Variants in CNTN5 observed in about 807,000 individuals in gnomAD.
The protein encoded by CNTN5 is contactin-5.
In CNTN5, 77 loss-of-function variants were observed where a neutral mutation model predicts 129.1. The observed-to-expected ratio is 0.60, with a 90% confidence interval of 0.50 to 0.72. CNTN5 has a LOEUF of 0.72. Ranked by LOEUF, CNTN5 falls within the 30% of genes least tolerant of loss-of-function variation. CNTN5 has a pLI of 0.00. For missense variants in CNTN5, 1,478 were observed against 1,328.8 expected, an observed-to-expected ratio of 1.11 and a Z score of -1.75; for synonymous variants, 509 against 465.6, an observed-to-expected ratio of 1.09 and a Z score of -1.20.
chr11:99,098,562 G>A (rs1311774308), intron 1 of CNTN5, among the ~76,000 whole-genome samples: 2 of 151,934 alleles, frequency 1.3e-5, no homozygotes, highest in Non-Finnish European at 1.5e-5. Flanking sequence ...TCTGACTTTT[G>A]GCAAATAAAA....
At chr11:99,042,523 C>T (rs1222155758) in intron 1 of CNTN5, among the ~76,000 whole-genome samples, 8 of 151,550 alleles carry the variant, frequency 5.3e-5, no homozygotes, top group Non-Finnish European at 1.2e-4. Context: ...CTACAGGCGC[C>T]CGCCACCACA....
intron 9 of CNTN5, among the ~76,000 whole-genome samples, chr11:100,011,788 T>C (rs2137526014): frequency 6.6e-6 from 1 of 152,294 alleles, no homozygotes; most frequent in Non-Finnish European, 1.5e-5. Context: ...TTCATAAAAT[T>C]ATTTTTGCTG....
chr11:99,998,931 G>T (rs1374610733), intron 8 of CNTN5, among the ~76,000 whole-genome samples: 7 of 151,208 alleles, frequency 4.6e-5, no homozygotes, highest in African/African-American at 7.3e-5. Flanking sequence ...AATAAATGGT[G>T]CTGGGAAAAC....
chr11:99,875,880 A>C (rs1948621052), intron 6 of CNTN5, among the ~76,000 whole-genome samples: 1 of 152,148 alleles, frequency 6.6e-6, no homozygotes, highest in Non-Finnish European at 1.5e-5. Context: ...CTGTTATATA[A>C]GGTCATTTTT....
intron 3 of CNTN5, among the ~76,000 whole-genome samples, chr11:99,724,242 A>G (rs1943265985): frequency 6.6e-6 from 1 of 152,048 alleles, no homozygotes; most frequent in South Asian, 2.1e-4. Flanking sequence ...TTTTTCTAAG[A>G]CATTTCAAGT....
At chr11:99,128,606 G>T (rs1442869722) in intron 1 of CNTN5, among the ~76,000 whole-genome samples, 6 of 152,182 alleles carry the variant, frequency 3.9e-5, no homozygotes, top group African/African-American at 1.2e-4. Flanking sequence ...CAGCACAACG[G>T]CTCTGCTAAA....
intron 8 of CNTN5, among the ~76,000 whole-genome samples, chr11:99,997,411 T>G (rs1311215917): frequency 6.6e-6 from 1 of 152,144 alleles, no homozygotes; most frequent in African/African-American, 2.4e-5. Flanking sequence ...CTAGAAGAAA[T>G]GGATAAATTC....
intron 3 of CNTN5, among the ~76,000 whole-genome samples, chr11:99,790,783 C>G (rs1327680627): frequency 6.6e-6 from 1 of 152,076 alleles, no homozygotes; most frequent in Non-Finnish European, 1.5e-5. Flanking sequence ...GTTACATTCC[C>G]ACTAGCAACA....
At chr11:99,255,831 T>A (rs866309524) in intron 1 of CNTN5, among the ~76,000 whole-genome samples, 1 of 150,146 alleles carries the variant, frequency 6.7e-6, no homozygotes, top group Non-Finnish European at 1.5e-5. Flanking sequence ...CGCACACACA[T>A]GCACACGCAC....
intron 2 of CNTN5, among the ~76,000 whole-genome samples, chr11:99,415,859 A>G (rs573810755): frequency 1.3e-5 from 2 of 152,316 alleles, no homozygotes; most frequent in South Asian, 4.1e-4. Context: ...TATTATGAAG[A>G]AGGAAATTGA....
At chr11:99,088,660 T>C (rs1866098425) in intron 1 of CNTN5, among the ~76,000 whole-genome samples, 1 of 152,152 alleles carries the variant, frequency 6.6e-6, no homozygotes, top group Admixed American at 6.5e-5. Context: ...GCATATGTTA[T>C]GTAAGACCTG....
intron 3 of CNTN5, among the ~76,000 whole-genome samples, chr11:99,590,798 C>A (rs1055909210): frequency 6.6e-6 from 1 of 152,116 alleles, no homozygotes; most frequent in African/African-American, 2.4e-5. Flanking sequence ...ATCATCTTGA[C>A]CATGCTAGGG....
intron 2 of CNTN5, among the ~76,000 whole-genome samples, chr11:99,450,775 T>G (rs1279017959): frequency 6.7e-6 from 1 of 150,212 alleles, no homozygotes; most frequent in South Asian, 2.1e-4. Context: ...CAAGTTTTTT[T>G]TTTTTTTTTT....
At chr11:99,354,123 G>A (rs1237799831) in intron 2 of CNTN5, among the ~76,000 whole-genome samples, 1 of 152,084 alleles carries the variant, frequency 6.6e-6, no homozygotes, top group Non-Finnish European at 1.5e-5. Flanking sequence ...GGTTTCTTAA[G>A]AATAATTAAT....
chr11:100,271,273 G>A lies in CNTN5; in HGVS notation c.2314+32G>A, dbSNP rs752664814. Reference sequence around the variant, plus strand: ...ATTTGGAAGAGTCAGATTGGATTTGGTATGCTTCTAATCGTCTTGAAAGTG... The same window carrying A: ...ATTTGGAAGAGTCAGATTGGATTTGATATGCTTCTAATCGTCTTGAAAGTG... On this transcript the variant is annotated intron_variant, in intron 18 of 24. Transcript: ENST00000524871. 4 of 1,550,232 alleles carry A rather than the reference G, an allele frequency of 2.6e-6. No homozygotes were observed. In the South Asian group the frequency reaches 3.7e-5, roughly 14 times the overall value.
chr11:99,536,618 A>T (rs1947908713), intron 2 of CNTN5, among the ~76,000 whole-genome samples: 1 of 152,052 alleles, frequency 6.6e-6, no homozygotes, highest in South Asian at 2.1e-4. Flanking sequence ...TGCCTGGGGG[A>T]GGAAGAAAAG....
chr11:100,261,989 A>G (rs1950208908), intron 17 of CNTN5, among the ~76,000 whole-genome samples: 1 of 152,258 alleles, frequency 6.6e-6, no homozygotes. Context: ...AGTGAAAGAA[A>G]CTATCATCAT....
At chr11:99,573,644 C>T (rs1189757395) in intron 3 of CNTN5, among the ~76,000 whole-genome samples, 1 of 151,708 alleles carries the variant, frequency 6.6e-6, no homozygotes, top group Non-Finnish European at 1.5e-5. Context: ...GAATTTTTTT[C>T]TATTGAGACG....
At chr11:100,001,927 C>A in intron 8 of CNTN5, 107 bp from the exon 9 acceptor site, 2 of 759,964 alleles carry the variant, frequency 2.6e-6, no homozygotes, top group African/African-American at 1.8e-5. Context: ...AGTCATCAAA[C>A]AGACATTAAC....
Sources: allele counts gnomAD v4.1 joint callset (sites outside exome capture counted in the v4.1 genomes callset), GRCh38; gene constraint gnomAD v4.1.1; transcripts MANE v1.5; gene names NCBI Gene and HGNC (gene_info 2026-07-23, HGNC 2026-07-21).